The following HDAC9 variants were observed in gnomAD, a reference collection of about 807,000 sequenced individuals.
The protein encoded by HDAC9 is histone deacetylase 9, also known as MEF-2 interacting transcription repressor (MITR) protein.
In HDAC9, 41 loss-of-function variants were observed where a neutral mutation model predicts 139.4. That is an observed-to-expected ratio of 0.29 (90% confidence interval 0.23 to 0.38). HDAC9 has a LOEUF of 0.38. Among genes scored for constraint, HDAC9 ranks in the 10% least tolerant of loss-of-function variants. The pLI, the probability that HDAC9 is intolerant of heterozygous loss-of-function variation, is 1.00. For missense variants in HDAC9, 1,147 were observed against 1,297.0 expected (o/e 0.88, Z 1.78); for synonymous variants, 517 against 476.2 (o/e 1.09, Z -1.12).
At chr7:18,642,401 A>C (rs1785953216) in intron 8 of HDAC9, among the ~76,000 whole-genome samples, 2 of 152,086 alleles carry the variant, frequency 1.3e-5, no homozygotes, top group Non-Finnish European at 2.9e-5. Flanking sequence ...CAGTGGCTGC[A>C]GAGTCATACT....
chr7:18,155,097 T>C (rs3057923), intron 1 of HDAC9, among the ~76,000 whole-genome samples: 265 of 115,844 alleles, frequency 2.3e-3, no homozygotes, highest in African/African-American at 0.013. Context: ...TTCTTTCTTT[T>C]TTTTTTTTTA....
At chr7:18,863,757 C>A (rs187867238) in intron 21 of HDAC9, among the ~76,000 whole-genome samples, 2 of 152,084 alleles carry the variant, frequency 1.3e-5, no homozygotes, top group African/African-American at 4.8e-5. Flanking sequence ...TTAGGAATGA[C>A]AGAGGTGGGG....
intron 2 of HDAC9, among the ~76,000 whole-genome samples, chr7:18,565,774 A>G (rs1822122378): frequency 6.6e-6 from 1 of 152,198 alleles, no homozygotes; most frequent in African/African-American, 2.4e-5. Context: ...TTTGCAAGTA[A>G]TGAAATCTTT....
At chr7:18,716,072 A>G (rs1452036421) in intron 12 of HDAC9, among the ~76,000 whole-genome samples, 1 of 152,238 alleles carries the variant, frequency 6.6e-6, no homozygotes, top group East Asian at 1.9e-4. Context: ...GGGAGGAATA[A>G]AGGAAATGCT....
rs578037535 is a variant in HDAC9 at position 18,769,789 on chromosome 7, T to G, written c.2214+2634T>G. Among the ~76,000 whole-genome samples, 78 of 152,144 alleles carry G rather than the reference T, an allele frequency of 5.1e-4. 1 individual carries two copies. The highest frequency in any genetic ancestry group is 1.8e-3 in the African/African-American group (74 of 41,498). On this transcript the variant is annotated intron_variant, in intron 16 of 25. Transcript: ENST00000686413. ...CCAGACAGATTAGCTATACACAAGA[T>G]CCCCAGTATGATCCCGGAAGGCCCC...
At chr7:18,968,468 A>G (rs919813296) in intron 24 of HDAC9, among the ~76,000 whole-genome samples, 1 of 152,118 alleles carries the variant, frequency 6.6e-6, no homozygotes, top group African/African-American at 2.4e-5. Flanking sequence ...AGAGAAAAAG[A>G]TATCTAATGT....
chr7:18,179,152 G>A (rs1338833431), intron 2 of HDAC9, among the ~76,000 whole-genome samples: 1 of 152,228 alleles, frequency 6.6e-6, no homozygotes, highest in Non-Finnish European at 1.5e-5. Context: ...AGCAAGCACT[G>A]CATGTCTTTC....
chr7:18,802,559 T>A (rs1253424111), intron 17 of HDAC9, among the ~76,000 whole-genome samples: 1 of 151,922 alleles, frequency 6.6e-6, no homozygotes, highest in Non-Finnish European at 1.5e-5. Context: ...CATATTTGGC[T>A]GCAGGATTTT....
At chr7:18,171,483 T>G (rs1032680636) in intron 2 of HDAC9, among the ~76,000 whole-genome samples, 7 of 152,334 alleles carry the variant, frequency 4.6e-5, no homozygotes, top group Admixed American at 3.9e-4. Flanking sequence ...CAACAGTATG[T>G]TGAATAGGAG....
At position 18,719,331 on chromosome 7, in the gene HDAC9, C is replaced by CTTTTTTTTTTTTTTTTTTT. The variant is rs757689693; in HGVS notation, c.1732-8241_1732-8223dup. 6.5e-4 allele frequency among the ~76,000 whole-genome samples: 48 copies of CTTTTTTTTTTTTTTTTTTT among 73,908 alleles called. 2 individuals carry two copies. Among genetic ancestry groups the CTTTTTTTTTTTTTTTTTTT allele is most frequent in the African/African-American group, 2.7e-3 (41 of 15,200 alleles). The allele number at this position is 73,908 out of a possible 152,430, so 48.5% of individuals were successfully genotyped here. On this transcript the variant is annotated intron_variant, in intron 12 of 25. Coordinates refer to ENST00000686413, the MANE Select transcript of HDAC9 (RefSeq NM_178425.4). The stretch of plus-strand genomic sequence containing the variant: ...CTAATTAACCTATTTTTTTCTCTTC[C>CTTTTTTTTTTTTTTTTTTT]TTTTTTTTTTTTTTTTTTTTTTTTT...
At chr7:18,551,307 A>G (rs1350711740) in intron 2 of HDAC9, among the ~76,000 whole-genome samples, 1 of 152,190 alleles carries the variant, frequency 6.6e-6, no homozygotes, top group Admixed American at 6.5e-5. Context: ...AGGTGGGTAT[A>G]TGAGTCTGGA....
intron 24 of HDAC9, among the ~76,000 whole-genome samples, chr7:18,958,817 A>G (rs1031238042): frequency 1.3e-5 from 2 of 152,188 alleles, no homozygotes; most frequent in Non-Finnish European, 2.9e-5. Context: ...ACCAAGCAAA[A>G]TACATGAGAG....
intron 2 of HDAC9, among the ~76,000 whole-genome samples, chr7:18,534,486 G>A (rs1206327886): frequency 6.6e-6 from 1 of 152,360 alleles, no homozygotes; most frequent in Non-Finnish European, 1.5e-5. Context: ...GGTCAAGGCT[G>A]AAGTGAGCTA....
chr7:18,184,290 C>T (rs1434299467), intron 2 of HDAC9, among the ~76,000 whole-genome samples: 1 of 152,052 alleles, frequency 6.6e-6, no homozygotes, highest in Non-Finnish European at 1.5e-5. Context: ...TCCAGCTCTA[C>T]TTGGGAGGCT....
At chr7:18,418,344 G>A (rs1789286316) in intron 1 of HDAC9, among the ~76,000 whole-genome samples, 1 of 140,980 alleles carries the variant, frequency 7.1e-6, no homozygotes, top group African/African-American at 2.6e-5. Flanking sequence ...TTTTTCTATT[G>A]AATACACCTT....
chr7:18,781,787 T>G (rs940063384), intron 16 of HDAC9, among the ~76,000 whole-genome samples: 3 of 151,972 alleles, frequency 2.0e-5, no homozygotes, highest in African/African-American at 7.2e-5. Context: ...TTATTTTGTT[T>G]CCCAAGGCAA....
rs537350514 is a variant in HDAC9 at position 18,471,313 on chromosome 7, C to T, written c.-41-24949C>T. Among the ~76,000 whole-genome samples the T allele has an allele frequency of 1.5e-4, 23 of 152,250 alleles. 1 individual carries two copies. In the South Asian group the frequency reaches 4.8e-3, roughly 32 times the overall value. ...CTGAATCCAAATGGCTGCACTGTCC[C>T]TGTATTTGATATCTGGGTAATCAAG... On this transcript the variant is annotated intron_variant, in intron 1 of 3. Transcript: ENST00000413509.
chr7:18,666,593 T>A, intron 12 of HDAC9, 117 bp downstream of exon 12: 1 of 1,492,748 alleles, frequency 6.7e-7, no homozygotes, highest in Non-Finnish European at 8.9e-7. Context: ...TTCTCTATGA[T>A]TTGAGTTCAG....
chr7:18,789,312 T>C (rs972222243), intron 16 of HDAC9, among the ~76,000 whole-genome samples: 2 of 113,018 alleles, frequency 1.8e-5, no homozygotes, highest in African/African-American at 7.3e-5. Flanking sequence ...ACACACACAG[T>C]CTCTCTCTCT....
Sources: gnomAD v4.1 joint callset for allele counts (sites outside exome capture counted in the v4.1 genomes callset) on GRCh38, gnomAD v4.1.1 for gene constraint, MANE v1.5 for transcripts, NCBI Gene and HGNC (gene_info 2026-07-23, HGNC 2026-07-21) for gene names.